EIF3J: variants seen among roughly 807,000 people sequenced by gnomAD.
EIF3J encodes eukaryotic translation initiation factor 3, subunit 1 (alpha, 35kD).
In EIF3J, 15 loss-of-function variants were observed where a neutral mutation model predicts 39.0. That is an observed-to-expected ratio of 0.38 (90% CI 0.26 to 0.59). The LOEUF is 0.59. Ranked by LOEUF, EIF3J falls within the 20% of genes least tolerant of loss-of-function variation. EIF3J has a pLI of 0.60. For missense variants in EIF3J, 226 were observed against 308.6 expected (o/e 0.73, Z 2.00); for synonymous variants, 98 against 112.9 (o/e 0.87, Z 0.84).
At chr15:44,550,977 C>T in intron 3 of EIF3J, 47 bp downstream of exon 3, 1 of 1,587,732 alleles carries the variant, frequency 6.3e-7, no homozygotes, top group Non-Finnish European at 8.6e-7. Context: ...TCTTGCTGAG[C>T]ATTTGTGACT....
chr15:44,560,137 T>A, intron 6 of EIF3J, 112 bp from the exon 7 acceptor site: 1 of 803,856 alleles, frequency 1.2e-6, no homozygotes. Flanking sequence ...CATAACACTT[T>A]TGGAATGTAC....
intron 2 of EIF3J, 34 bp from the exon 3 acceptor site, chr15:44,550,842 T>A (rs758626231): frequency 1.1e-5 from 16 of 1,451,214 alleles, no homozygotes; most frequent in Admixed American, 1.8e-5. Context: ...AAAGCAAACA[T>A]GCAAGAATTA....
At position 44,537,519 on chromosome 15, in the gene EIF3J, G is replaced by A; in HGVS notation, c.147+92G>A. The A allele has an allele frequency of 2.3e-6, 3 of 1,327,122 alleles. No homozygotes were observed. In the South Asian group the frequency reaches 4.8e-5, roughly 21 times the overall value. 82.2% of individuals were successfully genotyped at this position (1,327,122 alleles called of 1,614,324 possible). ...CCCCGGGTCGCTGCCGGGGCCTGCG[G>A]GCCGTGGGTCCAGGCGCGAGCATAG... On this transcript the variant is annotated intron_variant, in intron 2 of 7. Transcript: ENST00000261868.
chr15:44,547,742 C>G (rs922181704), intron 2 of EIF3J, among the ~76,000 whole-genome samples: 3 of 152,140 alleles, frequency 2.0e-5, no homozygotes, highest in African/African-American at 4.8e-5. Flanking sequence ...GCCACGCACC[C>G]GGCCTGACTC....
intron 4 of EIF3J, 37 bp downstream of exon 4, chr15:44,551,559 C>A: frequency 6.8e-7 from 1 of 1,471,506 alleles, no homozygotes; most frequent in Non-Finnish European, 9.3e-7. Flanking sequence ...ATTCTCACAT[C>A]GGTAGTGGTA....
At chr15:44,548,290 C>T (rs1019006735) in intron 2 of EIF3J, among the ~76,000 whole-genome samples, 1 of 152,234 alleles carries the variant, frequency 6.6e-6, no homozygotes, top group African/African-American at 2.4e-5. Flanking sequence ...TGGTGGACAC[C>T]TGTAATCCCA....
intron 5 of EIF3J, among the ~76,000 whole-genome samples, chr15:44,556,652 A>G (rs905426236): frequency 1.3e-5 from 2 of 152,064 alleles, no homozygotes; most frequent in Non-Finnish European, 2.9e-5. Context: ...GATTACAGAT[A>G]CATGCCACCA....
chr15:44,544,155 G>A (rs1481320984), intron 2 of EIF3J, among the ~76,000 whole-genome samples: 3 of 148,030 alleles, frequency 2.0e-5, no homozygotes, highest in African/African-American at 7.5e-5. Context: ...GTGCAGTGGC[G>A]TGATCTCGGC....
rs138291869 is a variant in EIF3J, at chr15:44,555,136, A to G, written c.409+469A>G. Among the ~76,000 whole-genome samples the G allele has an allele frequency of 1.9e-3, 292 of 152,186 alleles. 1 individual carries two copies. The highest frequency in any genetic ancestry group is 6.6e-3 in the African/African-American group (275 of 41,512). On this transcript the variant is annotated intron_variant, in intron 5 of 7. Transcript: ENST00000261868. ...CCCTTCTTTGCCCTTACCATGCCCT[A>G]TCTTTAGAGGGCCTCCATTTCTTTG...
At chr15:44,560,487 T>C (rs111923609) in intron 7 of EIF3J, 165 bp downstream of exon 7, 10 of 587,764 alleles carry the variant, frequency 1.7e-5, no homozygotes, top group African/African-American at 1.5e-4. Context: ...ACTGTCCTTT[T>C]GTTTCCAGAC....
At chr15:44,544,122 C>A (rs1175959865) in intron 2 of EIF3J, among the ~76,000 whole-genome samples, 1 of 130,950 alleles carries the variant, frequency 7.6e-6, no homozygotes, top group Non-Finnish European at 1.6e-5. Context: ...TAGACGGAGG[C>A]CTTCTCTATC....
At chr15:44,537,270 C>G (rs1328581774) in intron 1 of EIF3J, 33 bp downstream of exon 1, 2 of 1,569,628 alleles carry the variant, frequency 1.3e-6, no homozygotes, top group Non-Finnish European at 1.7e-6. Flanking sequence ...GGGCCCGGGC[C>G]GGCGCCGGCC....
chr15:44,544,558 C>T (rs2082038091), intron 2 of EIF3J, among the ~76,000 whole-genome samples: 1 of 151,282 alleles, frequency 6.6e-6, no homozygotes, highest in Non-Finnish European at 1.5e-5. Context: ...ACAAAATTAG[C>T]CAGTTCGTGG....
At position 44,550,898 on chromosome 15, in the gene EIF3J, A is replaced by T. The variant is rs770760665; in HGVS notation, c.170A>T (p.Asp57Val). The change falls in exon 3 of 8, where the codon GAT (aspartate) becomes GTT (valine). Residue 57 changes from aspartate to valine, a missense_variant. This residue lies in a region of EIF3J where 143 missense variants were observed against 156.0 expected (regional missense o/e 0.92). Transcript: ENST00000261868. The part of the protein sequence containing the change: ...DVKDNWDDDD[D>V]EKKEEAEVKP... ...TAGGATAACTGGGATGACGATGATG[A>T]TGAAAAAAAAGAGGAAGCAGAAGTA... is the stretch of plus-strand genomic sequence containing the variant. The T allele has an allele frequency of 2.5e-6, 4 of 1,609,796 alleles. No homozygotes were observed.
chr15:44,551,404 C>A (rs2082097919), intron 3 of EIF3J, 27 bp from the exon 4 acceptor site: 2 of 1,456,254 alleles, frequency 1.4e-6, no homozygotes, highest in East Asian at 2.3e-5. Context: ...CTCAGTATAA[C>A]TGAATAAAAC....
At chr15:44,542,013 C>G (rs1295186258) in intron 2 of EIF3J, among the ~76,000 whole-genome samples, 1 of 152,166 alleles carries the variant, frequency 6.6e-6, no homozygotes, top group Non-Finnish European at 1.5e-5. Context: ...TGTTCAGTGT[C>G]TTGATATCGC....
chr15:44,537,923 C>CT (rs2081973909), intron 2 of EIF3J, among the ~76,000 whole-genome samples: 2 of 152,064 alleles, frequency 1.3e-5, no homozygotes, highest in Admixed American at 1.3e-4. Flanking sequence ...GAATTTCAAC[C>CT]TTTTTTTCCC....
chr15:44,544,511 C>A (rs2082037573), intron 2 of EIF3J, among the ~76,000 whole-genome samples: 2 of 147,042 alleles, frequency 1.4e-5, no homozygotes, highest in African/African-American at 5.0e-5. Flanking sequence ...TCAGGACCAG[C>A]CTGACCAACA....
At chr15:44,548,500 T>A (rs901468529) in intron 2 of EIF3J, among the ~76,000 whole-genome samples, 1 of 152,150 alleles carries the variant, frequency 6.6e-6, no homozygotes, top group African/African-American at 2.4e-5. Flanking sequence ...AGCCCAGAAA[T>A]AGACCAAGTA....
Sources: gnomAD v4.1 joint callset for allele counts (sites outside exome capture counted in the v4.1 genomes callset) on GRCh38, gnomAD v4.1.1 for gene constraint, gnomAD v4.1.1 regional missense constraint, MANE v1.5 for transcripts, NCBI Gene and HGNC (gene_info 2026-07-23, HGNC 2026-07-21) for gene names.